The following TESK1 variants were observed in gnomAD, a reference collection of about 807,000 sequenced individuals.
The protein encoded by TESK1 is testis associated actin remodelling kinase 1.
TESK1 carries 18 observed loss-of-function variants against 59.9 expected under a neutral mutation model. That is an observed-to-expected ratio of 0.30 (90% CI 0.21 to 0.45). TESK1 has a LOEUF of 0.45. Ranked by LOEUF, TESK1 falls within the 20% of genes least tolerant of loss-of-function variation. The pLI is 1.00. For missense variants in TESK1, 748 were observed against 840.9 expected (o/e 0.89, Z 1.37); for synonymous variants, 341 against 357.4 (o/e 0.95, Z 0.52).
In TESK1 at chr9:35,607,778, C is replaced by T; in HGVS notation, c.711+106C>T. The T allele has an allele frequency of 7.8e-7, 1 of 1,277,234 alleles. No homozygotes were observed. The highest frequency in any genetic ancestry group is 1.1e-6 in the Non-Finnish European group (1 of 902,184). 79.1% of individuals were successfully genotyped at this position (1,277,234 alleles called of 1,614,324 possible). A position where few individuals can be genotyped will look rare whatever the true frequency, so the allele number is the denominator to read the frequency against. Reference sequence around the variant, plus strand: ...CAACCCTACCAGATCTTCAGGAGTCCCCAAGATCCCTTTGCCCCTCACAGG... The same window carrying T: ...CAACCCTACCAGATCTTCAGGAGTCTCCAAGATCCCTTTGCCCCTCACAGG... On this transcript the variant is annotated intron_variant, in intron 6 of 9. Transcript: ENST00000336395. This position sits in a 1 kb window ranked among gnomAD's most constrained non-coding sequence, Gnocchi z 4.5.
Position 35,608,504 on chromosome 9 carries a change from A to C in TESK1, c.995A>C (p.Asn332Thr), listed in dbSNP as rs76236841. 6.2e-7 allele frequency: 1 copy of C among 1,613,304 alleles called. No homozygotes were observed. The highest frequency in any genetic ancestry group is 1.3e-5 in the African/African-American group (1 of 74,996). The change falls in exon 9 of 10, where the codon AAT becomes ACT. Residue 332 changes from asparagine (N) to threonine (T), a missense_variant. This residue lies in a region of TESK1 where 447 missense variants were observed against 466.1 expected (regional missense o/e 0.96). Coordinates refer to ENST00000336395, the MANE Select transcript of TESK1 (RefSeq NM_006285.3). ...APLTRTALTH[N>T]QGSVARGGPS... ...CTCACCAGGACCGCCCTGACACACAATCAGGGTAAGGGAGCCTGACCTTGA... is the reference window on the plus strand; with the variant it reads ...CTCACCAGGACCGCCCTGACACACACTCAGGGTAAGGGAGCCTGACCTTGA...
At chr9:35,608,051 A>C in intron 7 of TESK1, 40 bp downstream of exon 7, 12 of 1,611,860 alleles carry the variant, frequency 7.4e-6, no homozygotes, top group Non-Finnish European at 1.0e-5. Flanking sequence ...ATTCCAGACT[A>C]GCTGGCTCAT....
In TESK1 at chr9:35,608,376, TC is replaced by T; in HGVS notation, c.886-17del. ...CTTTCGGAGCACTGAGTGAAGCCGT[TC>T]CTGTCTCTACCCATCAGCTGGAACC... On this transcript the variant is annotated intron_variant, in intron 8 of 9. Coordinates refer to ENST00000336395, the MANE Select transcript of TESK1 (RefSeq NM_006285.3). 1.2e-6 allele frequency: 2 copies of T among 1,613,390 alleles called. No individual in the cohort carries two copies. The highest frequency in any genetic ancestry group is 1.7e-6 in the Non-Finnish European group (2 of 1,179,326).
At chr9:35,608,624 G>C (rs927721024) in intron 9 of TESK1, 115 bp downstream of exon 9, 3 of 1,047,700 alleles carry the variant, frequency 2.9e-6, no homozygotes, top group Non-Finnish European at 4.2e-6. Flanking sequence ...GCTGGGGGTC[G>C]GGCTGGGGTA....
rs766775858 is a variant in TESK1 at position 35,607,427 on chromosome 9, G to T, written c.620+18G>T. On this transcript the variant is annotated intron_variant, in intron 5 of 9. Coordinates refer to ENST00000336395, the MANE Select transcript of TESK1 (RefSeq NM_006285.3). This position sits in a 1 kb window ranked among gnomAD's most constrained non-coding sequence, Gnocchi z 4.5. ...GTGTATAGGTGAGATGAATGTCCCT[G>T]TTCCCCCCAAATCTCCCAGAGTGCC... is the stretch of plus-strand genomic sequence containing the variant. 1 of 1,613,966 alleles carries T rather than the reference G, an allele frequency of 6.2e-7. No homozygotes were observed. Among genetic ancestry groups the T allele is most frequent in the Non-Finnish European group, 8.5e-7 (1 of 1,179,876 alleles).
chr9:35,608,583 G>A lies in TESK1; in HGVS notation c.1000+74G>A. On this transcript the variant is annotated intron_variant, in intron 9 of 9. Coordinates refer to ENST00000336395, the MANE Select transcript of TESK1 (RefSeq NM_006285.3). The stretch of plus-strand genomic sequence containing the variant: ...TCCCTAGAATTCAGAGGTGACATGG[G>A]GGAGGCTAAGTATATTTATTAGTTG... The A allele has an allele frequency of 2.2e-6, 3 of 1,377,550 alleles. No homozygotes were observed. The East Asian group carries it at 7.3e-5, about 34-fold the overall frequency. The allele number at this position is 1,377,550 out of a possible 1,614,324, so 85.3% of individuals were successfully genotyped here.
At position 35,609,023 on chromosome 9, in the gene TESK1, A is replaced by G; in HGVS notation, c.1162A>G (p.Arg388Gly). Residue 388 changes from arginine (R) to glycine (G), a missense_variant, in exon 10 of 10, where the codon AGG (arginine) becomes GGG (glycine). Arg to Gly is a moderately radical substitution (Grantham distance 125). Transcript: ENST00000336395. The surrounding 1 kb of genome is among the most constrained non-coding windows in gnomAD (Gnocchi z 6.7). Reference sequence around the variant, plus strand: ...CCCCTTCTCACTACGGGAAGACCTCAGGGGTGGCAAGATCAAGCTCTTAGA... The same window carrying G: ...CCCCTTCTCACTACGGGAAGACCTCGGGGGTGGCAAGATCAAGCTCTTAGA... ...VNPFSLREDL[R>G]GGKIKLLDTP... 1 of 1,614,194 alleles carries G rather than the reference A, an allele frequency of 6.2e-7. No homozygotes were observed. The highest frequency in any genetic ancestry group is 8.5e-7 in the Non-Finnish European group (1 of 1,180,040).
In TESK1 at chr9:35,608,220, T is replaced by C; in HGVS notation, c.856T>C (p.Phe286Leu). ...TLVGDDCPLP[F>L]LLLAIHCCNL... ...GGTGGGGGATGACTGCCCACTGCCTTTCTTGCTCCTGGCCATCCACTGCTG... is the reference window on the plus strand; with the variant it reads ...GGTGGGGGATGACTGCCCACTGCCTCTCTTGCTCCTGGCCATCCACTGCTG... Residue 286 changes from phenylalanine (F) to leucine (L), a missense_variant, in exon 8 of 10, where the codon TTC (phenylalanine) becomes CTC (leucine). Physicochemically the swap from Phe to Leu is conservative, Grantham distance 22. Around this residue, in one of 3 missense-constraint regions of TESK1, gnomAD observed 447 missense variants for 466.1 expected, o/e 0.96. Coordinates refer to ENST00000336395, the MANE Select transcript of TESK1 (RefSeq NM_006285.3). 1.2e-6 allele frequency: 2 copies of C among 1,614,160 alleles called. No individual in the cohort carries two copies. Among genetic ancestry groups the C allele is most frequent in the Non-Finnish European group, 8.5e-7 (1 of 1,180,020 alleles).
chr9:35,608,646 C>T (rs1466762908), intron 9 of TESK1, 137 bp downstream of exon 9: 2 of 932,010 alleles, frequency 2.1e-6, no homozygotes, highest in Non-Finnish European at 3.2e-6. Context: ...GGTGGGAGGA[C>T]ATCTCCAAGA....
Position 35,605,626 on chromosome 9 carries a change from G to A in TESK1, c.7G>A (p.Gly3Arg). 8.5e-7 allele frequency: 1 copy of A among 1,175,772 alleles called. No homozygotes were observed. Among genetic ancestry groups the A allele is most frequent in the Non-Finnish European group, 1.1e-6 (1 of 945,260 alleles). 72.8% of individuals were successfully genotyped at this position (1,175,772 alleles called of 1,614,324 possible). Residue 3 changes from glycine (G) to arginine (R), a missense_variant, in exon 1 of 10, where the codon GGG becomes AGG. By Grantham distance (125) the Gly-to-Arg change is moderately radical. Around this residue, in one of 3 missense-constraint regions of TESK1, gnomAD observed 133 missense variants for 117.4 expected, o/e 1.13. Transcript: ENST00000336395. ...CCGGGCTGGGGGCCCGGCCATGGCCGGGGAACGGCCCCCACTGCGGGGCCC... is the reference window on the plus strand; with the variant it reads ...CCGGGCTGGGGGCCCGGCCATGGCCAGGGAACGGCCCCCACTGCGGGGCCC... The part of the protein sequence containing the change: MA[G>R]ERPPLRGPGP...
At position 35,609,726 on chromosome 9, in the gene TESK1, C is replaced by G; in HGVS notation, c.1865C>G (p.Pro622Arg). Residue 622 changes from proline to arginine, a missense_variant, in exon 10 of 10, where the codon CCT becomes CGT. Around this residue, in one of 3 missense-constraint regions of TESK1, gnomAD observed 447 missense variants for 466.1 expected, o/e 0.96. Coordinates refer to ENST00000336395, the MANE Select transcript of TESK1 (RefSeq NM_006285.3). The surrounding 1 kb of genome is among the most constrained non-coding windows in gnomAD (Gnocchi z 6.7). ...CCACCCACACCCAGCCTGCAGCTGCCTGGGGCACGCTCTTAGCAGTGGAGC... is the reference window on the plus strand; with the variant it reads ...CCACCCACACCCAGCCTGCAGCTGCGTGGGGCACGCTCTTAGCAGTGGAGC... ...AKPPTPSLQLPGARS is the reference protein window; with the variant it reads ...AKPPTPSLQLRGARS 6.3e-7 allele frequency: 1 copy of G among 1,595,074 alleles called. No individual in the cohort carries two copies. Among genetic ancestry groups the G allele is most frequent in the Non-Finnish European group, 8.5e-7 (1 of 1,177,180 alleles).
At chr9:35,605,865 G>T (rs973777316) in intron 1 of TESK1, 27 bp downstream of exon 1, 2 of 1,607,576 alleles carry the variant, frequency 1.2e-6, no homozygotes, top group Admixed American at 3.4e-5. Flanking sequence ...GGGCAGAGGG[G>T]CGGGACCGAG....
In TESK1 at chr9:35,605,777, G is replaced by T; in HGVS notation, c.158G>T (p.Arg53Leu). 1 of 1,610,906 alleles carries T rather than the reference G, an allele frequency of 6.2e-7. No individual in the cohort carries two copies. The highest frequency in any genetic ancestry group is 8.5e-7 in the Non-Finnish European group (1 of 1,179,166). ...ALRSAVSSLA[R>L]VDDFHCAEKI... ...CGCAGCGCCGTGTCTAGCCTGGCGC[G>T]TGTGGACGATTTTCACTGCGCGGAG... is the stretch of plus-strand genomic sequence containing the variant. The change falls in exon 1 of 10, where the codon CGT (arginine) becomes CTT (leucine). Residue 53 changes from arginine (R) to leucine (L), a missense_variant. Around this residue, in one of 3 missense-constraint regions of TESK1, gnomAD observed 133 missense variants for 117.4 expected, o/e 1.13. Coordinates refer to ENST00000336395, the MANE Select transcript of TESK1 (RefSeq NM_006285.3).
Position 35,608,990 on chromosome 9 carries a change from C to G in TESK1, c.1129C>G (p.Arg377Gly). Residue 377 changes from arginine to glycine, a missense_variant, in exon 10 of 10, where the codon CGA becomes GGA. By Grantham distance (125) the Arg-to-Gly change is moderately radical. Coordinates refer to ENST00000336395, the MANE Select transcript of TESK1 (RefSeq NM_006285.3). ...CCCCAACTGGGGGGACAATCTGACTCGAGTCAACCCCTTCTCACTACGGGA... is the reference window on the plus strand; with the variant it reads ...CCCCAACTGGGGGGACAATCTGACTGGAGTCAACCCCTTCTCACTACGGGA... The part of the protein sequence containing the change: ...SPPNWGDNLT[R>G]VNPFSLREDL... 1 of 1,614,208 alleles carries G rather than the reference C, an allele frequency of 6.2e-7. No homozygotes were observed. Among genetic ancestry groups the G allele is most frequent in the South Asian group, 1.1e-5 (1 of 91,092 alleles).
intron 7 of TESK1, 73 bp from the exon 8 acceptor site, chr9:35,608,087 G>A (rs1222217027): frequency 6.2e-7 from 1 of 1,609,256 alleles, no homozygotes; most frequent in South Asian, 1.1e-5. Flanking sequence ...CCTAGAGGTT[G>A]AGGTTCTGAC....
chr9:35,609,861 A>ACAC lies in TESK1; in HGVS notation c.*119_*120insCAC. The ACAC allele has an allele frequency of 8.1e-7, 1 of 1,234,870 alleles. No individual in the cohort carries two copies. The highest frequency in any genetic ancestry group is 1.1e-6 in the Non-Finnish European group (1 of 918,412). 76.5% of individuals were successfully genotyped at this position (1,234,870 alleles called of 1,614,324 possible). A position where few individuals can be genotyped will look rare whatever the true frequency, so the allele number is the denominator to read the frequency against. On this transcript the variant is annotated 3_prime_UTR_variant, in exon 10 of 10. Coordinates refer to ENST00000336395, the MANE Select transcript of TESK1 (RefSeq NM_006285.3). This position sits in a 1 kb window ranked among gnomAD's most constrained non-coding sequence, Gnocchi z 6.7. ...GGCTGACCGGCTCTTCTCCCCGTGTAGGGGAGCCCCAGCATGGACTCAAGG... is the reference window on the plus strand; with the variant it reads ...GGCTGACCGGCTCTTCTCCCCGTGTACACGGGGAGCCCCAGCATGGACTCAAGG...
rs1822878529 is a variant in TESK1, at chr9:35,607,788, C to T, written c.711+116C>T. The T allele has an allele frequency of 3.9e-6, 5 of 1,268,778 alleles. No individual in the cohort carries two copies. Among genetic ancestry groups the T allele is most frequent in the Non-Finnish European group, 5.6e-6 (5 of 895,620 alleles). The allele number at this position is 1,268,778 out of a possible 1,614,324, so 78.6% of individuals were successfully genotyped here. On this transcript the variant is annotated intron_variant, in intron 6 of 9. Coordinates refer to ENST00000336395, the MANE Select transcript of TESK1 (RefSeq NM_006285.3). This position sits in a 1 kb window ranked among gnomAD's most constrained non-coding sequence, Gnocchi z 4.5. ...AGATCTTCAGGAGTCCCCAAGATCC[C>T]TTTGCCCCTCACAGGCACCCTTCTA...
In TESK1 at chr9:35,605,463, G is replaced by C. The variant is rs1822821927; in HGVS notation, c.-157G>C. On this transcript the variant is annotated 5_prime_UTR_variant, in exon 1 of 10. Transcript: ENST00000336395. ...GGGCCCAGCCAGCCGGCGCGGCGGG[G>C]GCGGGTCCAGGATCTTCGGCGGATC... 4.1e-6 allele frequency: 1 copy of C among 241,522 alleles called. No individual in the cohort carries two copies. Among genetic ancestry groups the C allele is most frequent in the Admixed American group, 5.6e-5 (1 of 17,742 alleles). 15.0% of individuals were successfully genotyped at this position (241,522 alleles called of 1,614,324 possible). A position where few individuals can be genotyped will look rare whatever the true frequency, so the allele number is the denominator to read the frequency against.
chr9:35,605,648 G>T lies in TESK1; in HGVS notation c.29G>T (p.Gly10Val), dbSNP rs1822828976. Residue 10 changes from glycine to valine, a missense_variant, in exon 1 of 10, where the codon GGC becomes GTC. Physicochemically the swap from Gly to Val is moderately radical, Grantham distance 109. This residue lies in a region of TESK1 where 133 missense variants were observed against 117.4 expected (regional missense o/e 1.13). Coordinates refer to ENST00000336395, the MANE Select transcript of TESK1 (RefSeq NM_006285.3). The stretch of plus-strand genomic sequence containing the variant: ...GCCGGGGAACGGCCCCCACTGCGGG[G>T]CCCTGGGCCCGGGCCTGGAGAGGTG... The part of the protein sequence containing the change: MAGERPPLR[G>V]PGPGPGEVPG... 3.2e-6 allele frequency: 4 copies of T among 1,247,810 alleles called. No homozygotes were observed. The highest frequency in any genetic ancestry group is 4.0e-6 in the Non-Finnish European group (4 of 995,396). The allele number at this position is 1,247,810 out of a possible 1,614,324, so 77.3% of individuals were successfully genotyped here. A position where few individuals can be genotyped will look rare whatever the true frequency, so the allele number is the denominator to read the frequency against.
Sources: gnomAD v4.1 joint callset for allele counts on GRCh38, gnomAD v4.1.1 for gene constraint, gnomAD v4.1.1 regional missense constraint, Gnocchi (gnomAD v3.1) non-coding constraint, MANE v1.5 for transcripts, NCBI Gene and HGNC (gene_info 2026-07-23, HGNC 2026-07-21) for gene names.